The following SH2D5 variants were observed in gnomAD, a reference collection of about 807,000 sequenced individuals.
The protein encoded by SH2D5 is SH2 domain containing 5.
SH2D5 carries 45 observed loss-of-function variants against 48.2 expected under a neutral mutation model. That is an observed-to-expected ratio of 0.93 (90% confidence interval 0.73 to 1.20). The LOEUF (loss-of-function observed/expected upper bound fraction) is 1.20. Among genes scored for constraint, SH2D5 ranks in the 50% most tolerant of loss-of-function variants. The pLI is 0.00. For missense variants in SH2D5, 538 were observed against 584.1 expected (o/e 0.92, Z 0.81); for synonymous variants, 230 against 249.8 (o/e 0.92, Z 0.75).
chr1:20,720,931 C>G lies in SH2D5; in HGVS notation c.*861G>C, dbSNP rs1432460386. The G allele has an allele frequency of 6.6e-6, 1 of 152,394 alleles. No homozygotes were observed. Among genetic ancestry groups the G allele is most frequent in the Non-Finnish European group, 1.5e-5 (1 of 68,174 alleles). The allele number at this position is 152,394 out of a possible 1,614,324, so 9.4% of individuals were successfully genotyped here. On this transcript the variant is annotated 3_prime_UTR_variant, in exon 10 of 10. Coordinates refer to ENST00000444387, the MANE Select transcript of SH2D5 (RefSeq NM_001103161.2). Reference sequence around the variant, plus strand: ...GAGTTAGGAAGGGCCCTGGTCACCCCTCTAAGCCTGCAGCTCACTGCTGGC... The same window carrying G: ...GAGTTAGGAAGGGCCCTGGTCACCCGTCTAAGCCTGCAGCTCACTGCTGGC...
At chr1:20,727,220 G>A (rs1190142237) in intron 3 of SH2D5, 145 bp from the exon 4 acceptor site, 1 of 711,852 alleles carries the variant, frequency 1.4e-6, no homozygotes, top group Non-Finnish European at 2.3e-6. Flanking sequence ...GGACCCCCCT[G>A]GCGCTGGGGA....
rs1345738375 is a variant in SH2D5, at chr1:20,729,278, C to G, written c.-42-1192G>C. ...CCAGGACTCAGCTCCCTCGGTCTCT[C>G]CTGGGACCAGTGAGAAAGCCACCTC... On this transcript the variant is annotated intron_variant, in intron 1 of 9. Transcript: ENST00000444387. The surrounding 1 kb of genome is among the most constrained non-coding windows in gnomAD (Gnocchi z 4.2). 1.3e-5 allele frequency among the ~76,000 whole-genome samples: 2 copies of G among 152,240 alleles called. No homozygotes were observed. Among genetic ancestry groups the G allele is most frequent in the East Asian group, 1.9e-4 (1 of 5,196 alleles).
rs934217899 is a variant in SH2D5, at chr1:20,728,621, G to A, written c.-42-535C>T. Among the ~76,000 whole-genome samples, 1 of 152,224 alleles carries A rather than the reference G, an allele frequency of 6.6e-6. No homozygotes were observed. The highest frequency in any genetic ancestry group is 2.4e-5 in the African/African-American group (1 of 41,452). ...ATCAAAGAGAAGGGCAGTGACAGCG[G>A]CAGAAACAGAGACTGCAAAGACACA... On this transcript the variant is annotated intron_variant, in intron 1 of 9. Coordinates refer to ENST00000444387, the MANE Select transcript of SH2D5 (RefSeq NM_001103161.2). This position sits in a 1 kb window ranked among gnomAD's most constrained non-coding sequence, Gnocchi z 4.3.
Position 20,722,101 on chromosome 1 carries a change from G to A in SH2D5, c.1069-106C>T, listed in dbSNP as rs1376363503. ...CTGCACATTTTGGAGAGCAGGGAAC[G>A]GAGCCCAGAGGCTTCACATGTGCTA... is the stretch of plus-strand genomic sequence containing the variant. On this transcript the variant is annotated intron_variant, in intron 9 of 9. Transcript: ENST00000444387. The A allele has an allele frequency of 4.3e-5, 44 of 1,014,872 alleles. No homozygotes were observed. In the South Asian group the frequency reaches 5.2e-4, roughly 12 times the overall value. 62.9% of individuals were successfully genotyped at this position (1,014,872 alleles called of 1,614,324 possible).
chr1:20,723,523 C>T, intron 8 of SH2D5, 103 bp downstream of exon 8: 1 of 866,084 alleles, frequency 1.2e-6, no homozygotes, highest in Non-Finnish European at 1.8e-6. Context: ...GTTGGGAGCG[C>T]TCTGCCCGTG....
At chr1:20,731,426 G>C (rs2054907014) in intron 1 of SH2D5, 1 of 152,452 alleles carries the variant, frequency 6.6e-6, no homozygotes. Context: ...TCAGCTGTAG[G>C]GTGGGGATCC....
intron 5 of SH2D5, 101 bp downstream of exon 5, chr1:20,725,819 G>A (rs548060372): frequency 1.7e-5 from 24 of 1,452,214 alleles, no homozygotes; most frequent in Admixed American, 4.1e-5. Flanking sequence ...CCTGGAGGGG[G>A]ATCAGGCCGC....
Position 20,721,905 on chromosome 1 carries a change from G to A in SH2D5, c.1159C>T (p.Arg387Cys), listed in dbSNP as rs762887332. 23 of 1,613,180 alleles carry A rather than the reference G, an allele frequency of 1.4e-5. No homozygotes were observed. Among genetic ancestry groups the A allele is most frequent in the Non-Finnish European group, 1.8e-5 (21 of 1,179,986 alleles). ...RSLFCPLDMG[R>C]LNPTYEEQDC... is the part of the protein sequence containing the mutation. ...TGCTCCTCGTAGGTGGGGTTCAGGC[G>A]GCCCATGTCGAGGGGACAGAAGAGG... The change falls in exon 10 of 10, where the codon CGC becomes TGC. Residue 387 changes from arginine to cysteine, a missense_variant. Coordinates refer to ENST00000444387, the MANE Select transcript of SH2D5 (RefSeq NM_001103161.2).
In SH2D5 at chr1:20,724,130, CGGTAGGCCCCCGA is replaced by C; in HGVS notation, c.739_751del (p.Ser247AlafsTer41). The C allele has an allele frequency of 1.2e-6, 2 of 1,612,952 alleles. No homozygotes were observed. Among genetic ancestry groups the C allele is most frequent in the Non-Finnish European group, 1.7e-6 (2 of 1,179,898 alleles). Reference sequence around the variant, plus strand: ...CAGCTGGGTCTCATAGGTGCAGCCGCGGTAGGCCCCCGAGCGGATCACCTTGCTGCGAATGGCC... The same window carrying C: ...CAGCTGGGTCTCATAGGTGCAGCCGCGCGGATCACCTTGCTGCGAATGGCC... On this transcript the variant is annotated frameshift_variant, in exon 7 of 10. Coordinates refer to ENST00000444387, the MANE Select transcript of SH2D5 (RefSeq NM_001103161.2). LOFTEE classifies it high-confidence loss of function.
In SH2D5 at chr1:20,727,600, C is replaced by G. The variant is rs764532491; in HGVS notation, c.91G>C (p.Val31Leu). 5.6e-6 allele frequency: 9 copies of G among 1,607,992 alleles called. No individual in the cohort carries two copies. The Admixed American group carries it at 8.4e-5, about 15-fold the overall frequency. The change falls in exon 3 of 10, where the codon GTG becomes CTG. Residue 31 changes from valine to leucine, a missense_variant. Transcript: ENST00000444387. ...AGGTCATCCACAGGGAAGGAGCCCA[C>G]GTACTGCTCGGCAGTGGGGTGAAGG... ...PRCITKFAQY[V>L]GSFPVDDLDT...
At position 20,721,590 on chromosome 1, in the gene SH2D5, A is replaced by G. The variant is rs2154538365; in HGVS notation, c.*202T>C. The G allele has an allele frequency of 2.0e-6, 1 of 501,678 alleles. No individual in the cohort carries two copies. The highest frequency in any genetic ancestry group is 3.2e-5 in the East Asian group (1 of 31,702). 31.1% of individuals were successfully genotyped at this position (501,678 alleles called of 1,614,324 possible). A position where few individuals can be genotyped will look rare whatever the true frequency, so the allele number is the denominator to read the frequency against. On this transcript the variant is annotated 3_prime_UTR_variant, in exon 10 of 10. Transcript: ENST00000444387. ...CCACCTGCCCTCCTGGAATCTCAGC[A>G]GGCCACATGTTCTCCAAGAAGCCAT...
rs1196427434 is a variant in SH2D5, at chr1:20,732,628, G to C, written c.-490C>G. ...GAGGCGCTCAGGGTGGTTCGGGCCC[G>C]GCCCTTGTGAGTGGAGGGTCGTTGC... On this transcript the variant is annotated 5_prime_UTR_variant, in exon 1 of 10. Transcript: ENST00000444387. This position sits in a 1 kb window ranked among gnomAD's most constrained non-coding sequence, Gnocchi z 5.1. 2 of 152,264 alleles carry C rather than the reference G, an allele frequency of 1.3e-5. No homozygotes were observed. Among genetic ancestry groups the C allele is most frequent in the African/African-American group, 2.4e-5 (1 of 41,458 alleles). The allele number at this position is 152,264 out of a possible 1,614,324, so 9.4% of individuals were successfully genotyped here.
chr1:20,726,007 G>A lies in SH2D5; in HGVS notation c.303C>T (p.Asp101=). The A allele has an allele frequency of 6.2e-7, 1 of 1,612,932 alleles. No individual in the cohort carries two copies. Among genetic ancestry groups the A allele is most frequent in the Non-Finnish European group, 8.5e-7 (1 of 1,179,778 alleles). Residue 101 remains aspartate (D), a synonymous_variant, in exon 5 of 10, where the codon GAC becomes GAT. Transcript: ENST00000444387. ...TTCGAGCCATGAAGGCAAACTGGCA[G>A]TCGGCAGGGCACCAGGTGGAGTAGA... ...RILYSTWCPA[D]CQFAFMARNP...
intron 5 of SH2D5, 79 bp from the exon 6 acceptor site, chr1:20,724,714 C>A: frequency 7.0e-7 from 1 of 1,424,698 alleles, no homozygotes; most frequent in South Asian, 1.5e-5. Flanking sequence ...TCAGCCCACT[C>A]ACCATGGGTG....
chr1:20,722,920 G>A lies in SH2D5; in HGVS notation c.909-5C>T. ...AACAGGGCCAGGGCACAGGGCCTAG[G>A]AGCACAGAGGGGAGAGAGTAAAGGC... On this transcript the variant is annotated splice_region_variant and splice_polypyrimidine_tract_variant and intron_variant, in intron 8 of 9. Transcript: ENST00000444387. 6.4e-7 allele frequency: 1 copy of A among 1,568,028 alleles called. No homozygotes were observed. The highest frequency in any genetic ancestry group is 8.7e-7 in the Non-Finnish European group (1 of 1,155,464).
chr1:20,725,870 C>A (rs779834478), intron 5 of SH2D5, 50 bp downstream of exon 5: 1 of 1,600,550 alleles, frequency 6.2e-7, no homozygotes, highest in Non-Finnish European at 8.5e-7. Context: ...ATGCCTGGCG[C>A]ACAGCCCCTC....
At chr1:20,722,539 T>C (rs752813279) in intron 9 of SH2D5, among the ~76,000 whole-genome samples, 4 of 151,766 alleles carry the variant, frequency 2.6e-5, no homozygotes, top group Admixed American at 6.6e-5. Context: ...GTGGGCCAGC[T>C]GGGGGTGAGG....
rs200675664 is a variant in SH2D5 at position 20,725,984 on chromosome 1, C to T, written c.326G>A (p.Arg109Gln). The T allele has an allele frequency of 4.3e-6, 7 of 1,612,418 alleles. No individual in the cohort carries two copies. In the East Asian group the frequency reaches 1.1e-4, roughly 26 times the overall value. ...CTTGCTGGCTGGGCTCCGTGGGTTT[C>T]GAGCCATGAAGGCAAACTGGCAGTC... ...PADCQFAFMARNPRSPASKLF... is the reference protein window; with the variant it reads ...PADCQFAFMAQNPRSPASKLF... The change falls in exon 5 of 10, where the codon CGA becomes CAA. Residue 109 changes from arginine (R) to glutamine (Q), a missense_variant. Physicochemically the swap from Arg to Gln is conservative, Grantham distance 43. Coordinates refer to ENST00000444387, the MANE Select transcript of SH2D5 (RefSeq NM_001103161.2).
rs780593037 is a variant in SH2D5, at chr1:20,724,107, G to A, written c.775C>T (p.Leu259=). The change falls in exon 7 of 10, where the codon CTG becomes TTG. Residue 259 remains leucine (L), a synonymous_variant. Coordinates refer to ENST00000444387, the MANE Select transcript of SH2D5 (RefSeq NM_001103161.2). ...CAGGCCTCCCGAGCCGACAGCTGCA[G>A]CTGGGTCTCATAGGTGCAGCCGCGG... is the stretch of plus-strand genomic sequence containing the variant. ...AYRGCTYETQ[L]QLSAREAFPA... The A allele has an allele frequency of 3.7e-6, 6 of 1,612,140 alleles. No homozygotes were observed. The Admixed American group carries it at 8.3e-5, about 22-fold the overall frequency.
Sources: allele counts gnomAD v4.1 joint callset (sites outside exome capture counted in the v4.1 genomes callset), GRCh38; gene constraint gnomAD v4.1.1; non-coding constraint Gnocchi (gnomAD v3.1); transcripts MANE v1.5; gene names NCBI Gene and HGNC (gene_info 2026-07-23, HGNC 2026-07-21).